The following SSR3 variants were observed in gnomAD, a reference collection of about 807,000 sequenced individuals.
SSR3 encodes the protein translocon-associated protein subunit gamma.
Under a neutral mutation model 22.1 loss-of-function variants are expected in SSR3, and 10 were observed. The ratio of observed to expected loss-of-function variants is 0.45; its 90% CI spans 0.28 to 0.77. The LOEUF is 0.77. Ranked by LOEUF, SSR3 falls within the 30% of genes least tolerant of loss-of-function variation. SSR3 has a pLI of 0.13. For missense variants in SSR3, 181 were observed against 220.5 expected, an observed-to-expected ratio of 0.82 and a Z score of 1.13; for synonymous variants, 104 against 82.5, an observed-to-expected ratio of 1.26 and a Z score of -1.42.
In SSR3 at chr3:156,543,707, C is replaced by T. The variant is rs149151035; in HGVS notation, c.492-438G>A. On this transcript the variant is annotated intron_variant, in intron 4 of 4. Coordinates refer to ENST00000265044, the MANE Select transcript of SSR3 (RefSeq NM_007107.5). The stretch of plus-strand genomic sequence containing the variant: ...TCTAAAAGTTCGAAGCTACTCCTAG[C>T]CTCAGAACTCTACAATTTTCAGCAA... Among the ~76,000 whole-genome samples the T allele has an allele frequency of 2.6e-5, 4 of 152,296 alleles. No homozygotes were observed. In the South Asian group the frequency reaches 6.2e-4, roughly 24 times the overall value.
chr3:156,544,918 T>C (rs150388141), intron 3 of SSR3, among the ~76,000 whole-genome samples: 2 of 152,328 alleles, frequency 1.3e-5, no homozygotes, highest in Non-Finnish European at 2.9e-5. Context: ...CTCACAGAAG[T>C]AGGCTATTGT....
chr3:156,554,556 A>C (rs1315955256), intron 1 of SSR3, among the ~76,000 whole-genome samples: 1 of 152,196 alleles, frequency 6.6e-6, no homozygotes, highest in Non-Finnish European at 1.5e-5. Context: ...TGGGTTTCTC[A>C]CCTAACTAAT....
chr3:156,553,806 G>A lies in SSR3; in HGVS notation c.134-25C>T, dbSNP rs2292337. The A allele has an allele frequency of 0.14, 216,545 of 1,565,512 alleles. 16,716 individuals are homozygous for A. Among genetic ancestry groups the A allele is most frequent in the East Asian group, 0.3 (13,087 of 43,834 alleles). ...CCTGAATTAAAATAAAAGGGGGAAG[G>A]GTACAAAAAGAAGCAAAACATTACA... On this transcript the variant is annotated intron_variant, in intron 1 of 4. Transcript: ENST00000265044.
Position 156,543,285 on chromosome 3 carries a change from T to C in SSR3, c.492-16A>G, listed in dbSNP as rs145698113. The C allele has an allele frequency of 5.0e-6, 8 of 1,609,870 alleles. No homozygotes were observed. The highest frequency in any genetic ancestry group is 1.3e-5 in the African/African-American group (1 of 74,962). ...TATGTAGTTCCTGTAAGAAATTTAATGTTATGGAAAAATGAGTAACTCCAA... is the reference window on the plus strand; with the variant it reads ...TATGTAGTTCCTGTAAGAAATTTAACGTTATGGAAAAATGAGTAACTCCAA... On this transcript the variant is annotated splice_polypyrimidine_tract_variant and intron_variant, in intron 4 of 4. Transcript: ENST00000265044.
At chr3:156,549,701 GA>G (rs1374854856) in intron 2 of SSR3, among the ~76,000 whole-genome samples, 1 of 152,052 alleles carries the variant, frequency 6.6e-6, no homozygotes, top group East Asian at 1.9e-4. Context: ...TTAATAAAAA[GA>G]AAACGTTTAG....
At chr3:156,547,293 A>G (rs980709470) in intron 3 of SSR3, among the ~76,000 whole-genome samples, 1 of 152,176 alleles carries the variant, frequency 6.6e-6, no homozygotes, top group Admixed American at 6.5e-5. Context: ...CTAAACTGAG[A>G]AAGATTCCGA....
At chr3:156,544,474 A>C (rs1275760767) in intron 3 of SSR3, 35 bp from the exon 4 acceptor site, 5 of 1,466,588 alleles carry the variant, frequency 3.4e-6, no homozygotes, top group Non-Finnish European at 4.5e-6. Flanking sequence ...CAAGCTTATA[A>C]ATATGATTTA....
chr3:156,551,021 T>C (rs1719934424), intron 2 of SSR3, among the ~76,000 whole-genome samples: 1 of 152,226 alleles, frequency 6.6e-6, no homozygotes, highest in Non-Finnish European at 1.5e-5. Context: ...ATCTTCCTTC[T>C]ACTGCCAACA....
chr3:156,552,133 T>C (rs1409576563), intron 2 of SSR3, among the ~76,000 whole-genome samples: 3 of 152,048 alleles, frequency 2.0e-5, no homozygotes, highest in Non-Finnish European at 2.9e-5. Context: ...AAACTCCATC[T>C]CTACAAAATA....
At chr3:156,554,839 A>G in intron 1 of SSR3, 118 bp downstream of exon 1, 2 of 1,353,830 alleles carry the variant, frequency 1.5e-6, no homozygotes, top group Non-Finnish European at 2.0e-6. Context: ...GGGGAGCTGG[A>G]GAGATTGCCG....
chr3:156,544,060 A>T, intron 4 of SSR3: 1 of 394,670 alleles, frequency 2.5e-6, no homozygotes, highest in Non-Finnish European at 4.4e-6. Context: ...TTAAGGAGGC[A>T]AGGACACAGA....
intron 2 of SSR3, among the ~76,000 whole-genome samples, chr3:156,550,961 T>G (rs1257671775): frequency 6.6e-6 from 1 of 152,176 alleles, no homozygotes; most frequent in Non-Finnish European, 1.5e-5. Context: ...GGCCACACAT[T>G]TAAGAGTGGC....
Position 156,540,198 on chromosome 3 carries a change from G to A in SSR3, c.*3005C>T, listed in dbSNP as rs936938720. ...TTAAGCAAGACTTTTCACAAGAATT[G>A]AGTATAAATTCAATCTCCATATTTC... is the stretch of plus-strand genomic sequence containing the variant. On this transcript the variant is annotated 3_prime_UTR_variant, in exon 5 of 5. Coordinates refer to ENST00000265044, the MANE Select transcript of SSR3 (RefSeq NM_007107.5). 6.6e-6 allele frequency: 1 copy of A among 152,190 alleles called. No homozygotes were observed. 9.4% of individuals were successfully genotyped at this position (152,190 alleles called of 1,614,324 possible).
At chr3:156,551,735 C>T (rs1384646195) in intron 2 of SSR3, among the ~76,000 whole-genome samples, 1 of 152,118 alleles carries the variant, frequency 6.6e-6, no homozygotes, top group East Asian at 1.9e-4. Context: ...AAGAGTCTAA[C>T]ACAGGGACAA....
At position 156,540,134 on chromosome 3, in the gene SSR3, A is replaced by G. The variant is rs1340606298; in HGVS notation, c.*3069T>C. 6.6e-6 allele frequency: 1 copy of G among 152,262 alleles called. No homozygotes were observed. The highest frequency in any genetic ancestry group is 1.5e-5 in the Non-Finnish European group (1 of 68,044). 9.4% of individuals were successfully genotyped at this position (152,262 alleles called of 1,614,324 possible). On this transcript the variant is annotated 3_prime_UTR_variant, in exon 5 of 5. Transcript: ENST00000265044. The stretch of plus-strand genomic sequence containing the variant: ...AGGATTCTTATAAAGAAGTGTAGGG[A>G]AAATACAAATTTTAAGAAGCAAAGT...
Position 156,547,883 on chromosome 3 carries a change from A to G in SSR3, c.359+1022T>C, listed in dbSNP as rs542685117. ...TTCCCCTGACACCTGGAAACCCACA[A>G]CTAAGTTCAGTGCTCAGTTGCTGTA... On this transcript the variant is annotated intron_variant, in intron 3 of 4. Coordinates refer to ENST00000265044, the MANE Select transcript of SSR3 (RefSeq NM_007107.5). Among the ~76,000 whole-genome samples, 7 of 152,274 alleles carry G rather than the reference A, an allele frequency of 4.6e-5. No individual in the cohort carries two copies. In the East Asian group the frequency reaches 1.3e-3, roughly 29 times the overall value.
Position 156,543,053 on chromosome 3 carries a change from TAAAC to T in SSR3, c.*146_*149del. The T allele has an allele frequency of 1.9e-6, 1 of 518,118 alleles. No homozygotes were observed. Among genetic ancestry groups the T allele is most frequent in the South Asian group, 5.0e-5 (1 of 19,942 alleles). 32.1% of individuals were successfully genotyped at this position (518,118 alleles called of 1,614,324 possible). The stretch of plus-strand genomic sequence containing the variant: ...CAACAATCTGTCAAAAAACAGCCAA[TAAAC>T]AAATACTGAATTACATTCTGCTGGG... On this transcript the variant is annotated 3_prime_UTR_variant, in exon 5 of 5. Coordinates refer to ENST00000265044, the MANE Select transcript of SSR3 (RefSeq NM_007107.5).
chr3:156,547,172 T>C (rs560922771), intron 3 of SSR3, among the ~76,000 whole-genome samples: 1 of 152,282 alleles, frequency 6.6e-6, no homozygotes, highest in East Asian at 1.9e-4. Context: ...TCTGCACTTA[T>C]ATATATCCAT....
chr3:156,554,782 C>T, intron 1 of SSR3, 175 bp downstream of exon 1: 1 of 809,268 alleles, frequency 1.2e-6, no homozygotes, highest in Non-Finnish European at 1.9e-6. Flanking sequence ...CAATCCCAAG[C>T]GACAACACTG....
Sources: allele counts gnomAD v4.1 joint callset (sites outside exome capture counted in the v4.1 genomes callset), GRCh38; gene constraint gnomAD v4.1.1; transcripts MANE v1.5; gene names NCBI Gene and HGNC (gene_info 2026-07-23, HGNC 2026-07-21).